Variants in AP4E1 observed in about 807,000 individuals in gnomAD.
The protein encoded by AP4E1 is adaptor related protein complex 4 subunit epsilon 1.
A neutral mutation model predicts 128.2 loss-of-function variants in AP4E1; 56 were observed. The ratio of observed to expected loss-of-function variants is 0.44; its 90% CI spans 0.35 to 0.55. The LOEUF (loss-of-function observed/expected upper bound fraction) is 0.55. Ranked by LOEUF, AP4E1 falls within the 20% of genes least tolerant of loss-of-function variation. The pLI, the probability that AP4E1 is intolerant of heterozygous loss-of-function variation, is 0.00. For missense variants in AP4E1, 1,324 were observed against 1,307.7 expected, an observed-to-expected ratio of 1.01 and a Z score of -0.19; for synonymous variants, 484 against 473.1, an observed-to-expected ratio of 1.02 and a Z score of -0.30.
chr15:50,922,578 G>T (rs886560191), intron 3 of AP4E1, among the ~76,000 whole-genome samples: 1 of 152,126 alleles, frequency 6.6e-6, no homozygotes, highest in African/African-American at 2.4e-5. Flanking sequence ...GTTAACATTA[G>T]AATCCCTGAT....
rs753833092 is a variant in AP4E1 at position 50,930,778 on chromosome 15, CA to C, written c.703-24del. ...TTTCTATTTAATAAGACGTTATTAA[CA>C]AAGTTTTTTTTGCGGGGGGATGTAG... On this transcript the variant is annotated intron_variant, in intron 6 of 20. Coordinates refer to ENST00000261842, the MANE Select transcript of AP4E1 (RefSeq NM_007347.5). 9.9e-6 allele frequency: 16 copies of C among 1,613,040 alleles called. No homozygotes were observed. The East Asian group carries it at 3.6e-4, about 36-fold the overall frequency.
chr15:50,909,380 C>G (rs1021790990), intron 1 of AP4E1, among the ~76,000 whole-genome samples: 1 of 152,136 alleles, frequency 6.6e-6, no homozygotes, highest in Non-Finnish European at 1.5e-5. Context: ...GTGCCTTCAA[C>G]TGAACAACAG....
intron 15 of AP4E1, among the ~76,000 whole-genome samples, chr15:50,974,396 A>G (rs1048573223): frequency 6.6e-6 from 1 of 151,378 alleles, no homozygotes; most frequent in Non-Finnish European, 1.5e-5. Flanking sequence ...CTTCCTGAGT[A>G]TCTAGGATTC....
chr15:50,927,532 T>TC (rs56142445), intron 5 of AP4E1, among the ~76,000 whole-genome samples: 2 of 151,382 alleles, frequency 1.3e-5, no homozygotes, highest in African/African-American at 2.4e-5. Context: ...TTTTTTTTTT[T>TC]CCTCACTTCA....
At chr15:50,946,512 T>C (rs895124445) in intron 10 of AP4E1, among the ~76,000 whole-genome samples, 19 of 152,170 alleles carry the variant, frequency 1.2e-4, no homozygotes, top group African/African-American at 4.3e-4. Context: ...CTTTTATAAA[T>C]AATATTATAA....
intron 15 of AP4E1, among the ~76,000 whole-genome samples, chr15:50,983,593 T>A (rs1441502668): frequency 6.6e-6 from 1 of 152,212 alleles, no homozygotes; most frequent in Non-Finnish European, 1.5e-5. Flanking sequence ...AGATTTTACG[T>A]TGAGGACTCT....
intron 10 of AP4E1, among the ~76,000 whole-genome samples, chr15:50,942,062 G>C (rs930394340): frequency 6.6e-6 from 1 of 152,078 alleles, no homozygotes. Context: ...GATTATAGGT[G>C]TGTGCCACCA....
chr15:51,000,141 CTTTTTT>C (rs11383470), intron 19 of AP4E1, among the ~76,000 whole-genome samples: 4 of 120,818 alleles, frequency 3.3e-5, no homozygotes, highest in Non-Finnish European at 6.5e-5. Flanking sequence ...TTTGTTCATT[CTTTTTT>C]TTTTTTTTTT....
chr15:50,958,433 G>T (rs564042594), intron 13 of AP4E1, 59 bp from the exon 14 acceptor site: 26 of 1,420,834 alleles, frequency 1.8e-5, no homozygotes, highest in Non-Finnish European at 2.3e-5. Context: ...TTAGATTTTA[G>T]TATAGTCTAC....
intron 13 of AP4E1, among the ~76,000 whole-genome samples, chr15:50,950,679 G>A (rs993185921): frequency 6.6e-6 from 1 of 151,932 alleles, no homozygotes; most frequent in South Asian, 2.1e-4. Flanking sequence ...ATAGGTAAAC[G>A]TGTGCCATGG....
Position 50,941,521 on chromosome 15 carries a change from T to C in AP4E1, c.1023T>C (p.Ile341=), listed in dbSNP as rs781118326. The C allele has an allele frequency of 6.2e-7, 1 of 1,613,156 alleles. No homozygotes were observed. The highest frequency in any genetic ancestry group is 1.3e-5 in the African/African-American group (1 of 74,938). Residue 341 remains isoleucine (I), a synonymous_variant, in exon 9 of 21, where the codon ATT becomes ATC. Transcript: ENST00000261842. ...TACTTGAGAAGGCTGCCAAGTGCAT[T>C]GGAAAATTTGTTCTGTCACCTAAAA... ...SELLEKAAKC[I]GKFVLSPKIN... is the part of the protein sequence containing the mutation.
rs551235408 is a variant in AP4E1 at position 50,979,805 on chromosome 15, C to T, written c.1967-4217C>T. ...CTCCCAAAGTGCTGGAATTACCACC[C>T]GGCCATAAATTTCTGTTCATTATAA... On this transcript the variant is annotated intron_variant, in intron 15 of 20. Transcript: ENST00000261842. Among the ~76,000 whole-genome samples the T allele has an allele frequency of 3.9e-5, 6 of 151,972 alleles. No individual in the cohort carries two copies. The South Asian group carries it at 8.3e-4, about 21-fold the overall frequency.
chr15:50,907,681 G>C (rs191801976), upstream of AP4E1, among the ~76,000 whole-genome samples: 486 of 152,250 alleles, frequency 3.2e-3, 3 homozygotes, highest in South Asian at 0.038. Context: ...CTAGTCAATC[G>C]TCATCTAGCC....
At chr15:50,931,023 CTTAGACTTTA>C in intron 7 of AP4E1, 52 bp downstream of exon 7, 1 of 1,600,666 alleles carries the variant, frequency 6.2e-7, no homozygotes, top group East Asian at 2.2e-5. Flanking sequence ...AGATGATAAG[CTTAGACTTTA>C]GTAACCTAGA....
chr15:50,908,013 G>A (rs1405290249), upstream of AP4E1, among the ~76,000 whole-genome samples: 1 of 152,230 alleles, frequency 6.6e-6, no homozygotes, highest in African/African-American at 2.4e-5. Context: ...GGCCAGGGGA[G>A]TGGGCTCTAG....
At chr15:50,925,617 T>A (rs2063758427) in intron 5 of AP4E1, among the ~76,000 whole-genome samples, 1 of 150,010 alleles carries the variant, frequency 6.7e-6, no homozygotes, top group Non-Finnish European at 1.5e-5. Context: ...AAAGCTTCAG[T>A]GTAGTGGGAA....
At chr15:51,000,309 T>C (rs889099631) in intron 19 of AP4E1, among the ~76,000 whole-genome samples, 1 of 151,988 alleles carries the variant, frequency 6.6e-6, no homozygotes, top group African/African-American at 2.4e-5. Context: ...GCCAGCTAAT[T>C]TTTGTGTTTT....
intron 14 of AP4E1, among the ~76,000 whole-genome samples, chr15:50,966,817 G>C (rs1375769943): frequency 6.6e-6 from 1 of 152,190 alleles, no homozygotes; most frequent in Non-Finnish European, 1.5e-5. Flanking sequence ...GATTACAGGC[G>C]TGAGCCACCA....
At chr15:50,966,976 C>T (rs184635811) in intron 14 of AP4E1, among the ~76,000 whole-genome samples, 1 of 152,200 alleles carries the variant, frequency 6.6e-6, no homozygotes, top group African/African-American at 2.4e-5. Context: ...TCTTTGGTTT[C>T]TGAGGTCATC....
Sources: allele counts gnomAD v4.1 joint callset (sites outside exome capture counted in the v4.1 genomes callset), GRCh38; gene constraint gnomAD v4.1.1; transcripts MANE v1.5; gene names NCBI Gene and HGNC (gene_info 2026-07-23, HGNC 2026-07-21).